Variants in TANGO6 observed in about 807,000 individuals in gnomAD.
TANGO6 encodes transport and golgi organization 6 homolog.
Under a neutral mutation model 114.2 loss-of-function variants are expected in TANGO6, and 90 were observed. The ratio of observed to expected loss-of-function variants is 0.79; its 90% CI spans 0.66 to 0.94. The LOEUF is 0.94. Ranked by LOEUF, TANGO6 falls within the 40% of genes least tolerant of loss-of-function variation. The pLI, the probability that TANGO6 is intolerant of heterozygous loss-of-function variation, is 0.00. For missense variants in TANGO6, 1,274 were observed against 1,315.3 expected, an observed-to-expected ratio of 0.97 and a Z score of 0.49; for synonymous variants, 477 against 509.8, an observed-to-expected ratio of 0.94 and a Z score of 0.87.
At chr16:68,886,364 T>C (rs1962539022) in intron 7 of TANGO6, among the ~76,000 whole-genome samples, 2 of 150,680 alleles carry the variant, frequency 1.3e-5, no homozygotes, top group Admixed American at 6.6e-5. Flanking sequence ...ATTACAGGCA[T>C]GCACCACCAC....
chr16:68,947,394 C>T (rs990335574), intron 14 of TANGO6, among the ~76,000 whole-genome samples: 3 of 151,536 alleles, frequency 2.0e-5, no homozygotes, highest in Non-Finnish European at 2.9e-5. Context: ...TCGAAGGTTG[C>T]GGTGAGCCAA....
Position 68,967,818 on chromosome 16 carries a change from C to T in TANGO6, c.2702-6210C>T, listed in dbSNP as rs1444444164. ...GGCTTAGCAGTTCCCTGGGATAGAG[C>T]CAGTTAGCAAAGACATTTTAGAATT... On this transcript the variant is annotated intron_variant, in intron 14 of 17. Transcript: ENST00000261778. Among the ~76,000 whole-genome samples, 7 of 152,130 alleles carry T rather than the reference C, an allele frequency of 4.6e-5. No homozygotes were observed. The East Asian group carries it at 1.4e-3, about 29-fold the overall frequency.
At chr16:68,979,020 T>A (rs1963792255) in intron 15 of TANGO6, among the ~76,000 whole-genome samples, 1 of 150,752 alleles carries the variant, frequency 6.6e-6, no homozygotes, top group Admixed American at 6.6e-5. Context: ...GGCCTGTCAG[T>A]CTGATCTGCC....
intron 15 of TANGO6, among the ~76,000 whole-genome samples, chr16:69,010,033 A>C (rs1964130996): frequency 6.6e-6 from 1 of 152,180 alleles, no homozygotes. Flanking sequence ...ATAGAGAAAG[A>C]CTTTCTCTTG....
At chr16:69,047,998 G>A (rs1959889198) in intron 17 of TANGO6, among the ~76,000 whole-genome samples, 1 of 152,080 alleles carries the variant, frequency 6.6e-6, no homozygotes, top group Non-Finnish European at 1.5e-5. Context: ...CCTTCAAAAT[G>A]ATAAAAAGTC....
intron 1 of TANGO6, among the ~76,000 whole-genome samples, chr16:68,857,520 T>C (rs1470784932): frequency 6.6e-6 from 1 of 152,156 alleles, no homozygotes; most frequent in Non-Finnish European, 1.5e-5. Context: ...TGGACATAAG[T>C]TTTCAACTCA....
At chr16:68,853,894 C>A (rs1045515184) in intron 1 of TANGO6, among the ~76,000 whole-genome samples, 5 of 152,140 alleles carry the variant, frequency 3.3e-5, no homozygotes, top group Admixed American at 6.5e-5. Flanking sequence ...TATTGAGCAT[C>A]TTTTCATATG....
At chr16:68,879,208 C>T (rs1434740522) in intron 6 of TANGO6, among the ~76,000 whole-genome samples, 4 of 151,804 alleles carry the variant, frequency 2.6e-5, no homozygotes, top group South Asian at 4.2e-4. Context: ...TGGGCTCAAG[C>T]GATCTTCCTG....
At chr16:68,891,292 CAA>C (rs534661540) in intron 7 of TANGO6, among the ~76,000 whole-genome samples, 28 of 84,862 alleles carry the variant, frequency 3.3e-4, no homozygotes, top group Admixed American at 6.6e-4. Flanking sequence ...AACTCCATCT[CAA>C]AAAAAAAAAA....
At chr16:68,975,402 G>A (rs1319823629) in intron 15 of TANGO6, among the ~76,000 whole-genome samples, 1 of 150,878 alleles carries the variant, frequency 6.6e-6, no homozygotes, top group Admixed American at 6.6e-5. Context: ...TTTTTTTCAT[G>A]GTAGAGTTGG....
chr16:69,009,651 A>G (rs1404856467), intron 15 of TANGO6, among the ~76,000 whole-genome samples: 8 of 152,178 alleles, frequency 5.3e-5, no homozygotes, highest in Admixed American at 5.2e-4. Flanking sequence ...GGATATTGCC[A>G]TTGTAATATT....
intron 7 of TANGO6, among the ~76,000 whole-genome samples, chr16:68,882,154 A>G (rs1654740910): frequency 6.6e-6 from 1 of 152,124 alleles, no homozygotes; most frequent in Non-Finnish European, 1.5e-5. Flanking sequence ...GAGTTATCAT[A>G]TGGGCCCAGC....
At chr16:68,922,033 T>C (rs893457752) in intron 12 of TANGO6, among the ~76,000 whole-genome samples, 4 of 152,168 alleles carry the variant, frequency 2.6e-5, no homozygotes, top group African/African-American at 4.8e-5. Context: ...CAGTTAATCA[T>C]TGTCAGGCTA....
At chr16:69,063,481 C>G (rs1409634617) in intron 17 of TANGO6, among the ~76,000 whole-genome samples, 1 of 150,764 alleles carries the variant, frequency 6.6e-6, no homozygotes, top group African/African-American at 2.4e-5. Flanking sequence ...ACCGAGATCG[C>G]GCCACCGCAC....
At chr16:68,900,062 G>C (rs556657154) in intron 7 of TANGO6, among the ~76,000 whole-genome samples, 2 of 152,112 alleles carry the variant, frequency 1.3e-5, no homozygotes, top group Non-Finnish European at 2.9e-5. Context: ...GTAATTACTT[G>C]TTCCTAATAG....
intron 16 of TANGO6, chr16:69,034,231 C>G (rs1422062921): frequency 6.5e-6 from 1 of 153,176 alleles, no homozygotes; most frequent in Non-Finnish European, 1.5e-5. Flanking sequence ...GGCTAGTACA[C>G]CTTATCCCTG....
At chr16:69,083,402 C>T in intron 17 of TANGO6, 83 bp from the exon 18 acceptor site, 1 of 1,462,230 alleles carries the variant, frequency 6.8e-7, no homozygotes, top group Non-Finnish European at 9.1e-7. Context: ...CAGATCTCCT[C>T]AGGCAGGAGG....
In TANGO6 at chr16:68,960,991, C is replaced by T. The variant is rs548203066; in HGVS notation, c.2702-13037C>T. On this transcript the variant is annotated intron_variant, in intron 14 of 17. Transcript: ENST00000261778. ...TCCGTTATCCCTAATGTTGGCAGCA[C>T]CTCAAGTTAGAATCATTCGTGAATT... Among the ~76,000 whole-genome samples the T allele has an allele frequency of 8.5e-5, 13 of 152,264 alleles. No homozygotes were observed. The South Asian group carries it at 2.5e-3, about 29-fold the overall frequency.
At chr16:68,875,755 G>A (rs1283470706) in intron 5 of TANGO6, among the ~76,000 whole-genome samples, 2 of 148,878 alleles carry the variant, frequency 1.3e-5, no homozygotes, top group Admixed American at 1.3e-4. Flanking sequence ...GGCAACAAGA[G>A]TGAAACTCCG....
Sources: gnomAD v4.1 joint callset for allele counts (sites outside exome capture counted in the v4.1 genomes callset) on GRCh38, gnomAD v4.1.1 for gene constraint, MANE v1.5 for transcripts, NCBI Gene and HGNC (gene_info 2026-07-23, HGNC 2026-07-21) for gene names.